SZT2: variants seen among roughly 807,000 people sequenced by gnomAD.
SZT2 encodes SZT2 subunit of KICSTOR complex, also known as KICSTOR complex protein SZT2.
SZT2 carries 216 observed loss-of-function variants against 404.2 expected under a neutral mutation model. The observed-to-expected ratio is 0.53, with a 90% CI of 0.48 to 0.60. The LOEUF (loss-of-function observed/expected upper bound fraction) is 0.60, where lower values mean the gene tolerates loss of function less well. Ranked by LOEUF, SZT2 falls within the 20% of genes least tolerant of loss-of-function variation. The pLI, the probability that SZT2 is intolerant of heterozygous loss-of-function variation, is 0.00. For synonymous variants in SZT2, 1,693 were observed against 1,749.9 expected, an observed-to-expected ratio of 0.97 and a Z score of 0.81; for missense variants, 3,857 against 4,459.2, an observed-to-expected ratio of 0.86 and a Z score of 3.85.
Position 43,450,249 on chromosome 1 carries a change from G to A in SZT2, c.10155+78G>A. 1.2e-6 allele frequency: 2 copies of A among 1,613,890 alleles called. No homozygotes were observed. Among genetic ancestry groups the A allele is most frequent in the Non-Finnish European group, 1.7e-6 (2 of 1,179,804 alleles). ...ATGCTCCACCTCGGAGCCTGCTGAG[G>A]TTGGGGTGCCCACCCTTTCTGAGCC... is the stretch of plus-strand genomic sequence containing the variant. On this transcript the variant is annotated intron_variant, in intron 71 of 71. Coordinates refer to ENST00000634258, the MANE Select transcript of SZT2 (RefSeq NM_001365999.1). This position sits in a 1 kb window ranked among gnomAD's most constrained non-coding sequence, Gnocchi z 4.3.
chr1:43,399,580 G>C (rs1168081282), intron 1 of SZT2, among the ~76,000 whole-genome samples: 1 of 150,552 alleles, frequency 6.6e-6, no homozygotes, highest in Non-Finnish European at 1.5e-5. Flanking sequence ...TCCTGCGTCA[G>C]CCTCCTGAGT....
In SZT2 at chr1:43,450,531, C is replaced by T. The variant is rs369566936; in HGVS notation, c.*51C>T. On this transcript the variant is annotated 3_prime_UTR_variant, in exon 72 of 72. Coordinates refer to ENST00000634258, the MANE Select transcript of SZT2 (RefSeq NM_001365999.1). This position sits in a 1 kb window ranked among gnomAD's most constrained non-coding sequence, Gnocchi z 4.3. ...CACTGTTCCTTGAATCATGGGCCTA[C>T]CAGATTGCCTGCCAGAGGCAGGACT... is the stretch of plus-strand genomic sequence containing the variant. The T allele has an allele frequency of 5.6e-6, 9 of 1,608,332 alleles. No homozygotes were observed. The African/African-American group carries it at 6.7e-5, about 12-fold the overall frequency.
Position 43,425,386 on chromosome 1 carries a change from C to T in SZT2, c.2646-88C>T, listed in dbSNP as rs1309247550. 3.2e-6 allele frequency: 5 copies of T among 1,572,388 alleles called. No individual in the cohort carries two copies. Among genetic ancestry groups the T allele is most frequent in the Non-Finnish European group, 4.3e-6 (5 of 1,152,888 alleles). On this transcript the variant is annotated intron_variant, in intron 18 of 71. Transcript: ENST00000634258. This position sits in a 1 kb window ranked among gnomAD's most constrained non-coding sequence, Gnocchi z 4.3. ...TGGGAAGGCCTTGTATGACTCGTGGCTGTCCTCTGTGCCTGCCTCCTTCCC... is the reference window on the plus strand; with the variant it reads ...TGGGAAGGCCTTGTATGACTCGTGGTTGTCCTCTGTGCCTGCCTCCTTCCC...
Position 43,420,703 on chromosome 1 carries a change from A to G in SZT2, c.1262-46A>G, listed in dbSNP as rs764876025. 7 of 1,556,590 alleles carry G rather than the reference A, an allele frequency of 4.5e-6. No homozygotes were observed. The Admixed American group carries it at 5.1e-5, about 11-fold the overall frequency. On this transcript the variant is annotated intron_variant, in intron 9 of 71. Coordinates refer to ENST00000634258, the MANE Select transcript of SZT2 (RefSeq NM_001365999.1). The surrounding 1 kb of genome is among the most constrained non-coding windows in gnomAD (Gnocchi z 5.1). ...TCAGATAGAACTCGATCCCAGGCCTAGAGTCCTATGCCTTCTCCTAACTGG... is the reference window on the plus strand; with the variant it reads ...TCAGATAGAACTCGATCCCAGGCCTGGAGTCCTATGCCTTCTCCTAACTGG...
Position 43,442,261 on chromosome 1 carries a change from C to G in SZT2, c.7874-7C>G. The G allele has an allele frequency of 6.2e-7, 1 of 1,611,856 alleles. No individual in the cohort carries two copies. The highest frequency in any genetic ancestry group is 8.5e-7 in the Non-Finnish European group (1 of 1,178,796). ...GGCCCCTATTGTGCCCCTCCCCCAC[C>G]CTGTAGCTGCCAAAGCCATGCAGCG... On this transcript the variant is annotated splice_polypyrimidine_tract_variant and splice_region_variant and intron_variant, in intron 56 of 71. Transcript: ENST00000634258. The surrounding 1 kb of genome is among the most constrained non-coding windows in gnomAD (Gnocchi z 4.5).
rs963356177 is a variant in SZT2, at chr1:43,414,450, C to G, written c.499-632C>G. On this transcript the variant is annotated intron_variant, in intron 4 of 71. Transcript: ENST00000634258. ...AAAAAAAAATTTTTTTTTATACAGT[C>G]TCACTCTGTAGCCCAGGCTGGAGTG... Among the ~76,000 whole-genome samples the G allele has an allele frequency of 3.3e-5, 5 of 152,114 alleles. No homozygotes were observed. The East Asian group carries it at 9.7e-4, about 30-fold the overall frequency.
chr1:43,438,271 C>T (rs1654678279), intron 46 of SZT2: 1 of 351,802 alleles, frequency 2.8e-6, no homozygotes, highest in Non-Finnish European at 5.3e-6. Context: ...TGCCACCGAC[C>T]TGATACCAGA....
At chr1:43,423,794 T>C (rs560671450) in intron 15 of SZT2, among the ~76,000 whole-genome samples, 7 of 145,200 alleles carry the variant, frequency 4.8e-5, no homozygotes, top group African/African-American at 1.8e-4. Flanking sequence ...GGGTGTGACT[T>C]AGGGGGGTAT....
intron 7 of SZT2, among the ~76,000 whole-genome samples, chr1:43,417,533 T>C (rs1396941533): frequency 6.6e-6 from 1 of 152,198 alleles, no homozygotes; most frequent in Non-Finnish European, 1.5e-5. Context: ...CCTTTGGAGT[T>C]AGGCATGCTG....
chr1:43,421,838 T>A (rs1285239813), intron 11 of SZT2, among the ~76,000 whole-genome samples: 1 of 152,226 alleles, frequency 6.6e-6, no homozygotes, highest in African/African-American at 2.4e-5. Context: ...TAAGCTGGGC[T>A]TATGGTTCCA....
intron 62 of SZT2, chr1:43,445,408 A>C: frequency 5.6e-6 from 1 of 179,724 alleles, no homozygotes; most frequent in Non-Finnish European, 1.2e-5. Context: ...CCTTCTTCCC[A>C]GTCCCTCCCC....
In SZT2 at chr1:43,426,044, A is replaced by T; in HGVS notation, c.2936A>T (p.Asp979Val). The change falls in exon 21 of 72, where the codon GAT becomes GTT. Residue 979 changes from aspartate (D) to valine (V), a missense_variant. Around this residue, in one of 7 missense-constraint regions of SZT2, gnomAD observed 1,725 missense variants for 1,881.0 expected, o/e 0.92. Coordinates refer to ENST00000634258, the MANE Select transcript of SZT2 (RefSeq NM_001365999.1). The surrounding 1 kb of genome is among the most constrained non-coding windows in gnomAD (Gnocchi z 4.9). ...TGTCCTTCCTCCCTCGTAGGATTGG[A>T]TCAGGGAGGAGACACCTGCGTCCAT... ...PPEPRVSDGL[D>V]QGGDTCVHEI... 1 of 1,613,846 alleles carries T rather than the reference A, an allele frequency of 6.2e-7. No individual in the cohort carries two copies. The highest frequency in any genetic ancestry group is 1.7e-4 in the Middle Eastern group (1 of 6,060).
chr1:43,412,684 A>G (rs1377911823), intron 4 of SZT2: 1 of 152,232 alleles, frequency 6.6e-6, no homozygotes, highest in Non-Finnish European at 1.5e-5. Flanking sequence ...CAAAGGAAAC[A>G]ATAAACAAAG....
Position 43,424,740 on chromosome 1 carries a change from T to G in SZT2, c.2472-44T>G. On this transcript the variant is annotated intron_variant, in intron 16 of 71. Coordinates refer to ENST00000634258, the MANE Select transcript of SZT2 (RefSeq NM_001365999.1). The surrounding 1 kb of genome is among the most constrained non-coding windows in gnomAD (Gnocchi z 4.1). Reference sequence around the variant, plus strand: ...GAGAGCTTGTAGTCTCAGTGTCTCTTCTTCCCTTATCCTGGCCTTGCCCCG... The same window carrying G: ...GAGAGCTTGTAGTCTCAGTGTCTCTGCTTCCCTTATCCTGGCCTTGCCCCG... 6.4e-7 allele frequency: 1 copy of G among 1,552,526 alleles called. No homozygotes were observed.
At position 43,430,486 on chromosome 1, in the gene SZT2, G is replaced by A. The variant is rs756224523; in HGVS notation, c.4481-10G>A. The A allele has an allele frequency of 6.2e-7, 1 of 1,612,462 alleles. No individual in the cohort carries two copies. The highest frequency in any genetic ancestry group is 2.2e-5 in the East Asian group (1 of 44,852). ...GCCTCTCTCATTGACCATGTGACAT[G>A]CACTACTAGGAGACACATCTGCCTG... On this transcript the variant is annotated splice_polypyrimidine_tract_variant and intron_variant, in intron 31 of 71. Transcript: ENST00000634258.
chr1:43,421,077 A>G (rs916120717), intron 10 of SZT2, 94 bp downstream of exon 10: 5 of 1,594,904 alleles, frequency 3.1e-6, no homozygotes, highest in Admixed American at 1.7e-5. Flanking sequence ...CACCCAGAGA[A>G]CCAGGCTTAT....
rs1271340251 is a variant in SZT2 at position 43,424,428 on chromosome 1, A to G, written c.2467A>G (p.Thr823Ala). 2 of 1,597,270 alleles carry G rather than the reference A, an allele frequency of 1.3e-6. No homozygotes were observed. Among genetic ancestry groups the G allele is most frequent in the African/African-American group, 2.7e-5 (2 of 74,786 alleles). Residue 823 changes from threonine to alanine, a missense_variant, in exon 16 of 72, where the codon ACT becomes GCT. Physicochemically the swap from Thr to Ala is moderately conservative, Grantham distance 58. Coordinates refer to ENST00000634258, the MANE Select transcript of SZT2 (RefSeq NM_001365999.1). This position sits in a 1 kb window ranked among gnomAD's most constrained non-coding sequence, Gnocchi z 4.1. ...CATTGCCCAGCTCCTCTCCATCCTC[A>G]CTGAGTATGTCATCCAAGCCTGCCA... ...SAIAQLLSIL[T>A]EVRLSEGFHF...
Position 43,442,351 on chromosome 1 carries a change from G to C in SZT2, c.7957G>C (p.Glu2653Gln), listed in dbSNP as rs757185806. ...NAPRQRLLLL[E>Q]VVDKKLQLLT... ...TCCCCGGCAGAGGCTCTTGCTACTA[G>C]AGGTTGTGGACAAGAAGGTAAATAT... Residue 2653 changes from glutamate to glutamine, a missense_variant, in exon 57 of 72, where the codon GAG (glutamate) becomes CAG (glutamine). Physicochemically the swap from Glu to Gln is conservative, Grantham distance 29. Coordinates refer to ENST00000634258, the MANE Select transcript of SZT2 (RefSeq NM_001365999.1). This position sits in a 1 kb window ranked among gnomAD's most constrained non-coding sequence, Gnocchi z 4.5. 3.7e-6 allele frequency: 6 copies of C among 1,614,024 alleles called. No homozygotes were observed. In the African/African-American group the frequency reaches 5.3e-5, roughly 14 times the overall value.
Position 43,432,993 on chromosome 1 carries a change from T to C in SZT2, c.5607T>C (p.Tyr1869=). The C allele has an allele frequency of 6.2e-7, 1 of 1,614,006 alleles. No individual in the cohort carries two copies. The highest frequency in any genetic ancestry group is 8.5e-7 in the Non-Finnish European group (1 of 1,180,006). ...CCTTCAATGCATCTGACACAGGTTA[T>C]GATGGTGGCAGCAGTGGCTCAGACA... ...QGSVDSDHLG[Y]DGGSSGSDSE... The change falls in exon 40 of 72, where the codon TAT becomes TAC. Residue 1869 remains tyrosine, a synonymous_variant. Coordinates refer to ENST00000634258, the MANE Select transcript of SZT2 (RefSeq NM_001365999.1).
Sources: gnomAD v4.1 joint callset for allele counts (sites outside exome capture counted in the v4.1 genomes callset) on GRCh38, gnomAD v4.1.1 for gene constraint, gnomAD v4.1.1 regional missense constraint, Gnocchi (gnomAD v3.1) non-coding constraint, MANE v1.5 for transcripts, NCBI Gene and HGNC (gene_info 2026-07-23, HGNC 2026-07-21) for gene names.